SORCS1: variants seen among roughly 807,000 people sequenced by gnomAD.
SORCS1 encodes VPS10 domain-containing receptor SorCS1.
Under a neutral mutation model 146.1 loss-of-function variants are expected in SORCS1, and 60 were observed. The ratio of observed to expected loss-of-function variants is 0.41; its 90% CI spans 0.33 to 0.51. SORCS1 has a LOEUF of 0.51. Among genes scored for constraint, SORCS1 ranks in the 20% least tolerant of loss-of-function variants. The pLI, the probability that SORCS1 is intolerant of heterozygous loss-of-function variation, is 0.21. For synonymous variants in SORCS1, 637 were observed against 584.0 expected, an observed-to-expected ratio of 1.09 and a Z score of -1.31; for missense variants, 1,352 against 1,487.6, an observed-to-expected ratio of 0.91 and a Z score of 1.50.
chr10:106,635,293 C>T (rs1380575286), intron 18 of SORCS1, among the ~76,000 whole-genome samples: 1 of 152,184 alleles, frequency 6.6e-6, no homozygotes, highest in Non-Finnish European at 1.5e-5. Flanking sequence ...TATATCAGAA[C>T]CTGGTCCATG....
chr10:107,022,415 G>C (rs1304945022), intron 1 of SORCS1, among the ~76,000 whole-genome samples: 2 of 152,050 alleles, frequency 1.3e-5, no homozygotes, highest in Non-Finnish European at 2.9e-5. Context: ...CAGAATTTCC[G>C]AATGTTAGCT....
chr10:106,664,108 C>A (rs1431206894), intron 17 of SORCS1, among the ~76,000 whole-genome samples: 1 of 152,156 alleles, frequency 6.6e-6, no homozygotes, highest in Non-Finnish European at 1.5e-5. Context: ...GTGTAATACC[C>A]ACAGAAATGA....
intron 1 of SORCS1, among the ~76,000 whole-genome samples, chr10:107,152,238 T>C (rs1968865893): frequency 6.6e-6 from 1 of 152,172 alleles, no homozygotes; most frequent in Admixed American, 6.5e-5. Context: ...TCAGAGGATG[T>C]ACAGAAATGC....
At chr10:107,027,411 G>A (rs905988874) in intron 1 of SORCS1, among the ~76,000 whole-genome samples, 2 of 152,052 alleles carry the variant, frequency 1.3e-5, no homozygotes, top group African/African-American at 2.4e-5. Flanking sequence ...CTATTTACAT[G>A]ACATTGGGAT....
rs949846224 is a variant in SORCS1 at position 106,631,224 on chromosome 10, A to G, written c.2476-1836T>C. On this transcript the variant is annotated intron_variant, in intron 18 of 25. Coordinates refer to ENST00000263054, the MANE Select transcript of SORCS1 (RefSeq NM_052918.5). ...TGTGGGGCTCACAGCAGCAGACTCA[A>G]TAAGTACATAGGCACAAATTCTCCC... Among the ~76,000 whole-genome samples the G allele has an allele frequency of 5.9e-5, 9 of 152,338 alleles. 1 individual carries two copies. In the South Asian group the frequency reaches 1.7e-3, roughly 28 times the overall value.
intron 17 of SORCS1, among the ~76,000 whole-genome samples, chr10:106,663,659 C>A (rs896141175): frequency 6.6e-6 from 1 of 152,128 alleles, no homozygotes; most frequent in African/African-American, 2.4e-5. Context: ...AAGTTCTTTT[C>A]CATCTTTTCC....
intron 1 of SORCS1, among the ~76,000 whole-genome samples, chr10:107,129,307 A>G (rs555546663): frequency 6.6e-5 from 10 of 152,360 alleles, no homozygotes; most frequent in African/African-American, 2.2e-4. Context: ...AAATTTAACT[A>G]GAATTTAGTT....
chr10:106,635,368 C>T (rs968790981), intron 18 of SORCS1, among the ~76,000 whole-genome samples: 2 of 152,146 alleles, frequency 1.3e-5, no homozygotes, highest in Non-Finnish European at 2.9e-5. Flanking sequence ...GCAGAAACCA[C>T]ATTGCAGAAA....
At chr10:106,710,963 T>C (rs1015618974) in intron 6 of SORCS1, among the ~76,000 whole-genome samples, 3 of 152,234 alleles carry the variant, frequency 2.0e-5, no homozygotes, top group Non-Finnish European at 4.4e-5. Flanking sequence ...GGATCTTCCA[T>C]AGTTATTCTT....
At chr10:107,167,735 TATTG>T, upstream of SORCS1, among the ~76,000 whole-genome samples, 1 of 152,100 alleles carries the variant, frequency 6.6e-6, no homozygotes, top group Non-Finnish European at 1.5e-5. Flanking sequence ...AATATTTAAT[TATTG>T]ATTAATATAC....
chr10:106,699,159 C>A (rs1853935574), intron 9 of SORCS1, 55 bp downstream of exon 9: 1 of 1,479,908 alleles, frequency 6.8e-7, no homozygotes. Flanking sequence ...GCGGGGCTTC[C>A]ATCAGCCAGC....
chr10:106,768,957 TA>T (rs1859780813), intron 4 of SORCS1, among the ~76,000 whole-genome samples: 1 of 152,214 alleles, frequency 6.6e-6, no homozygotes, highest in Non-Finnish European at 1.5e-5. Flanking sequence ...AAACTACATT[TA>T]AACGACCTGT....
In SORCS1 at chr10:106,672,905, G is replaced by A; in HGVS notation, c.2021C>T (p.Ala674Val). 6.2e-7 allele frequency: 1 copy of A among 1,614,030 alleles called. No homozygotes were observed. Among genetic ancestry groups the A allele is most frequent in the Non-Finnish European group, 8.5e-7 (1 of 1,179,974 alleles). The change falls in exon 15 of 26, where the codon GCC becomes GTC. Residue 674 changes from alanine (A) to valine (V), a missense_variant. Around this residue, in one of 3 missense-constraint regions of SORCS1, gnomAD observed 648 missense variants for 793.8 expected, o/e 0.82. Transcript: ENST00000263054. ...CTGCCAAGGTCTGTAGTCCTCTTCG[G>A]CACACCGTCTATCAAAAATGGACTT... ...DYKSIFDRRC[A>V]EEDYRPWQLH... is the part of the protein sequence containing the mutation.
chr10:106,884,275 G>GA (rs991402243), intron 2 of SORCS1, among the ~76,000 whole-genome samples: 1 of 152,034 alleles, frequency 6.6e-6, no homozygotes, highest in African/African-American at 2.4e-5. Flanking sequence ...GCCTATTGTG[G>GA]AAAAAACAAC....
At chr10:106,672,758 T>C in intron 15 of SORCS1, 110 bp downstream of exon 15, 3 of 793,532 alleles carry the variant, frequency 3.8e-6, no homozygotes, top group Non-Finnish European at 2.1e-6. Context: ...AAACAGTAGA[T>C]GGACATTTTG....
intron 2 of SORCS1, among the ~76,000 whole-genome samples, chr10:106,840,698 G>A (rs933290710): frequency 2.0e-5 from 3 of 151,938 alleles, no homozygotes; most frequent in Non-Finnish European, 4.4e-5. Flanking sequence ...GTCAATTCAT[G>A]TAGGAAACTT....
At chr10:106,645,223 T>C (rs1349073908) in intron 18 of SORCS1, among the ~76,000 whole-genome samples, 2 of 149,844 alleles carry the variant, frequency 1.3e-5, no homozygotes, top group Admixed American at 6.7e-5. Context: ...GGCTGGAGTG[T>C]AGTAGTGCAA....
intron 3 of SORCS1, among the ~76,000 whole-genome samples, chr10:106,788,381 T>C (rs1269263612): frequency 1.3e-5 from 2 of 152,190 alleles, no homozygotes; most frequent in East Asian, 3.9e-4. Flanking sequence ...CAGCATTGAC[T>C]CGAAAATCTA....
chr10:106,858,659 T>TTG (rs976420605), intron 2 of SORCS1, among the ~76,000 whole-genome samples: 4 of 147,888 alleles, frequency 2.7e-5, no homozygotes, highest in African/African-American at 1.0e-4. Context: ...TTGATTGGGG[T>TTG]TGTGTGCAGA....
Sources: gnomAD v4.1 joint callset for allele counts (sites outside exome capture counted in the v4.1 genomes callset) on GRCh38, gnomAD v4.1.1 for gene constraint, gnomAD v4.1.1 regional missense constraint, MANE v1.5 for transcripts, NCBI Gene and HGNC (gene_info 2026-07-23, HGNC 2026-07-21) for gene names.